AGFG1: variants seen among roughly 807,000 people sequenced by gnomAD.
AGFG1 encodes the protein ArfGAP with FG repeats 1, also known as arf-GAP domain and FG repeat-containing protein 1.
AGFG1 carries 10 observed loss-of-function variants against 60.6 expected under a neutral mutation model. The ratio of observed to expected loss-of-function variants is 0.16; its 90% CI spans 0.10 to 0.28. The LOEUF (loss-of-function observed/expected upper bound fraction) is 0.28. AGFG1 is among the 10% of genes least tolerant of loss of function. The probability of loss-of-function intolerance (pLI) is 1.00; values close to 1 mark genes in which losing one functional copy is unlikely to be tolerated. For missense variants in AGFG1, 537 were observed against 676.5 expected, an observed-to-expected ratio of 0.79 and a Z score of 2.29; for synonymous variants, 247 against 242.9, an observed-to-expected ratio of 1.02 and a Z score of -0.16.
At chr2:227,533,994 A>G (rs1283356462) in intron 7 of AGFG1, among the ~76,000 whole-genome samples, 2 of 152,108 alleles carry the variant, frequency 1.3e-5, no homozygotes, top group Non-Finnish European at 2.9e-5. Context: ...AGTTGAGAAA[A>G]ATTTTATTTT....
intron 2 of AGFG1, among the ~76,000 whole-genome samples, chr2:227,506,011 G>A (rs937241498): frequency 6.6e-6 from 1 of 152,070 alleles, no homozygotes; most frequent in Non-Finnish European, 1.5e-5. Flanking sequence ...CAAAATGCTG[G>A]GATTACAGGC....
intron 2 of AGFG1, among the ~76,000 whole-genome samples, chr2:227,507,930 A>C (rs1049737298): frequency 1.3e-5 from 2 of 151,064 alleles, no homozygotes; most frequent in African/African-American, 4.9e-5. Context: ...CAATGAGGTA[A>C]TCTGTTTTTG....
intron 1 of AGFG1, among the ~76,000 whole-genome samples, chr2:227,479,926 GAATT>G (rs1226564336): frequency 6.6e-6 from 1 of 152,160 alleles, no homozygotes; most frequent in Non-Finnish European, 1.5e-5. Flanking sequence ...GAAATACAGA[GAATT>G]AATTTTTGTT....
chr2:227,552,337 T>G (rs1692844850), intron 11 of AGFG1, among the ~76,000 whole-genome samples: 2 of 152,218 alleles, frequency 1.3e-5, no homozygotes, highest in South Asian at 2.1e-4. Context: ...AATCAGTGAC[T>G]ATGTAAAGAG....
intron 11 of AGFG1, among the ~76,000 whole-genome samples, chr2:227,553,475 A>C (rs1692882629): frequency 6.7e-6 from 1 of 148,382 alleles, no homozygotes; most frequent in African/African-American, 2.6e-5. Flanking sequence ...TGGCCTGGGT[A>C]ATAGAGTGAG....
intron 2 of AGFG1, among the ~76,000 whole-genome samples, chr2:227,496,670 T>C (rs1025088115): frequency 2.6e-5 from 4 of 152,204 alleles, no homozygotes; most frequent in African/African-American, 9.6e-5. Context: ...GTAACTATAA[T>C]ACCTATGTAT....
chr2:227,492,316 T>G (rs1202928324), intron 2 of AGFG1, among the ~76,000 whole-genome samples: 1 of 151,988 alleles, frequency 6.6e-6, no homozygotes, highest in Non-Finnish European at 1.5e-5. Context: ...AGAGTGGGCA[T>G]TTTTTTATAA....
intron 2 of AGFG1, among the ~76,000 whole-genome samples, chr2:227,513,540 C>G (rs1691557071): frequency 6.6e-6 from 1 of 152,170 alleles, no homozygotes; most frequent in African/African-American, 2.4e-5. Context: ...TTCTTTCTTC[C>G]CCTGCTTTAC....
intron 3 of AGFG1, among the ~76,000 whole-genome samples, chr2:227,520,285 A>C (rs1691787343): frequency 6.6e-6 from 1 of 151,278 alleles, no homozygotes; most frequent in South Asian, 2.1e-4. Context: ...TGTTGTAATA[A>C]TTACCAGGAA....
At chr2:227,514,426 C>T (rs544576315) in intron 2 of AGFG1, among the ~76,000 whole-genome samples, 139 of 152,180 alleles carry the variant, frequency 9.1e-4, no homozygotes, top group African/African-American at 3.2e-3. Context: ...CCATTTCGTC[C>T]AGGCTGGTCT....
chr2:227,483,512 A>G (rs1364275799), intron 1 of AGFG1, among the ~76,000 whole-genome samples: 2 of 152,182 alleles, frequency 1.3e-5, no homozygotes, highest in Non-Finnish European at 2.9e-5. Context: ...ACTCCTGGCA[A>G]TTACTGATCT....
At chr2:227,540,562 A>G (rs1364256002) in intron 10 of AGFG1, among the ~76,000 whole-genome samples, 1 of 152,166 alleles carries the variant, frequency 6.6e-6, no homozygotes, top group Non-Finnish European at 1.5e-5. Flanking sequence ...TCCATGGTGT[A>G]TATGTACCAC....
rs1307957932 is a variant in AGFG1, at chr2:227,549,094, ACT to A, written c.1379-2862_1379-2861del. Among the ~76,000 whole-genome samples, 14 of 151,944 alleles carry A rather than the reference ACT, an allele frequency of 9.2e-5. No homozygotes were observed. In the East Asian group the frequency reaches 2.5e-3, roughly 27 times the overall value. ...ATTCATTGAGTATTTATTGCAAAGC[ACT>A]CTAATTCGTTGTTACATTTATTCTT... is the stretch of plus-strand genomic sequence containing the variant. On this transcript the variant is annotated intron_variant, in intron 10 of 12. Transcript: ENST00000310078.
rs771481805 is a variant in AGFG1, at chr2:227,524,833, C to G, written c.612C>G (p.Gly204=). The G allele has an allele frequency of 3.5e-5, 57 of 1,614,146 alleles. No homozygotes were observed. The highest frequency in any genetic ancestry group is 4.7e-5 in the Non-Finnish European group (55 of 1,180,000). The part of the protein sequence containing the change: ...KKQFDLLSDL[G]SDIFAAPAPQ... ...AATTTGACCTTTTAAGTGATCTCGG[C>G]TCAGACATCTTTGCTGCTCCAGCTC... The change falls in exon 5 of 13, where the codon GGC becomes GGG. Residue 204 remains glycine, a synonymous_variant. Coordinates refer to ENST00000310078, the MANE Select transcript of AGFG1 (RefSeq NM_004504.5).
At chr2:227,537,129 A>G in intron 10 of AGFG1, 136 bp downstream of exon 10, 1 of 666,158 alleles carries the variant, frequency 1.5e-6, no homozygotes, top group Non-Finnish European at 2.5e-6. Flanking sequence ...TTTGTCCATA[A>G]AGACAAATTC....
At position 227,556,979 on chromosome 2, in the gene AGFG1, C is replaced by G. The variant is rs571678849; in HGVS notation, c.*2484C>G. On this transcript the variant is annotated 3_prime_UTR_variant, in exon 13 of 13. Transcript: ENST00000310078. The stretch of plus-strand genomic sequence containing the variant: ...GAGGTAGCTTTAAAGTGGTTTTTCT[C>G]ATGATATTCACTGTTTATTATTAAA... 1 of 152,204 alleles carries G rather than the reference C, an allele frequency of 6.6e-6. No homozygotes were observed. The highest frequency in any genetic ancestry group is 6.5e-5 in the Admixed American group (1 of 15,298). The allele number at this position is 152,204 out of a possible 1,614,324, so 9.4% of individuals were successfully genotyped here. A position where few individuals can be genotyped will look rare whatever the true frequency, so the allele number is the denominator to read the frequency against.
At chr2:227,541,808 T>C (rs1692500246) in intron 10 of AGFG1, among the ~76,000 whole-genome samples, 1 of 152,328 alleles carries the variant, frequency 6.6e-6, no homozygotes, top group Middle Eastern at 3.4e-3. Flanking sequence ...TTTCACGATA[T>C]TGATTCTTCC....
intron 1 of AGFG1, among the ~76,000 whole-genome samples, chr2:227,478,298 T>G (rs1365789493): frequency 6.6e-6 from 1 of 150,774 alleles, no homozygotes; most frequent in Non-Finnish European, 1.5e-5. Flanking sequence ...TATATATACA[T>G]ATATAATATA....
intron 10 of AGFG1, among the ~76,000 whole-genome samples, chr2:227,546,786 G>A (rs533617233): frequency 1.3e-5 from 2 of 152,150 alleles, no homozygotes; most frequent in East Asian, 3.9e-4. Flanking sequence ...TTTTTAAATA[G>A]TAGGAAATTT....
Sources: gnomAD v4.1 joint callset for allele counts (sites outside exome capture counted in the v4.1 genomes callset) on GRCh38, gnomAD v4.1.1 for gene constraint, MANE v1.5 for transcripts, NCBI Gene and HGNC (gene_info 2026-07-23, HGNC 2026-07-21) for gene names.